SYT16: variants seen among roughly 807,000 people sequenced by gnomAD.
The protein encoded by SYT16 is synaptotagmin-16.
SYT16 carries 42 observed loss-of-function variants against 61.4 expected under a neutral mutation model. The observed-to-expected ratio is 0.68, with a 90% confidence interval of 0.53 to 0.89. SYT16 has a LOEUF of 0.89. Among genes scored for constraint, SYT16 ranks in the 40% least tolerant of loss-of-function variants. The probability of loss-of-function intolerance (pLI) is 0.00; values close to 1 mark genes in which losing one functional copy is unlikely to be tolerated. For synonymous variants in SYT16, 314 were observed against 302.3 expected (o/e 1.04, Z -0.40); for missense variants, 804 against 807.3 (o/e 1.00, Z 0.05).
chr14:61,815,102 A>G (rs2045387908), intron 1 of SYT16, among the ~76,000 whole-genome samples: 1 of 152,180 alleles, frequency 6.6e-6, no homozygotes, highest in Admixed American at 6.5e-5. Flanking sequence ...GACTTATTCA[A>G]ACAGATCGCT....
chr14:61,977,915 C>A (rs2051887825), intron 2 of SYT16, among the ~76,000 whole-genome samples: 1 of 152,254 alleles, frequency 6.6e-6, no homozygotes, highest in South Asian at 2.1e-4. Flanking sequence ...AAGGTGTCAG[C>A]AGGGCCACGA....
intron 1 of SYT16, among the ~76,000 whole-genome samples, chr14:61,945,773 G>A (rs1239403391): frequency 3.4e-5 from 5 of 148,834 alleles, no homozygotes; most frequent in East Asian, 2.0e-4. Flanking sequence ...GGAGAATGGC[G>A]TGAACCCGGG....
At chr14:61,990,629 C>G (rs1300174351) in intron 2 of SYT16, among the ~76,000 whole-genome samples, 2 of 152,162 alleles carry the variant, frequency 1.3e-5, no homozygotes, top group African/African-American at 4.8e-5. Flanking sequence ...GGCATACAGG[C>G]TTCTGCTTTA....
At chr14:61,931,253 C>T (rs1015140862) in intron 1 of SYT16, among the ~76,000 whole-genome samples, 1 of 152,054 alleles carries the variant, frequency 6.6e-6, no homozygotes. Context: ...GCACATTAGT[C>T]CAAGTCAGGA....
intron 2 of SYT16, among the ~76,000 whole-genome samples, chr14:61,978,293 G>C (rs746700640): frequency 2.0e-5 from 3 of 152,152 alleles, no homozygotes; most frequent in African/African-American, 7.2e-5. Context: ...AAGGAGAGTT[G>C]ATGAAAATTG....
intron 1 of SYT16, among the ~76,000 whole-genome samples, chr14:61,877,408 G>A (rs961162472): frequency 2.0e-5 from 3 of 152,148 alleles, no homozygotes; most frequent in African/African-American, 7.2e-5. Flanking sequence ...GCTAAGGGAG[G>A]ACCATGAATT....
chr14:61,832,679 C>G (rs1328073925), intron 1 of SYT16, among the ~76,000 whole-genome samples: 6 of 152,150 alleles, frequency 3.9e-5, no homozygotes, highest in African/African-American at 1.4e-4. Flanking sequence ...CTCAGGTGAT[C>G]CGCCCACCTC....
At chr14:61,869,425 TG>T (rs1458097675) in intron 1 of SYT16, among the ~76,000 whole-genome samples, 1 of 152,198 alleles carries the variant, frequency 6.6e-6, no homozygotes, top group Non-Finnish European at 1.5e-5. Context: ...TCTTTTTTGT[TG>T]TTTAATGGTT....
intron 3 of SYT16, among the ~76,000 whole-genome samples, chr14:62,062,762 A>G (rs540620202): frequency 1.3e-5 from 2 of 151,976 alleles, no homozygotes; most frequent in South Asian, 4.2e-4. Context: ...GAAATCTCGT[A>G]TCTAAGGGAT....
At chr14:61,850,600 A>T (rs889530362) in intron 1 of SYT16, among the ~76,000 whole-genome samples, 3 of 152,320 alleles carry the variant, frequency 2.0e-5, no homozygotes, top group Admixed American at 2.0e-4. Context: ...ATGTCTACCC[A>T]GTAAGTAAAT....
intron 2 of SYT16, among the ~76,000 whole-genome samples, chr14:61,982,413 A>G (rs1238352334): frequency 1.3e-5 from 2 of 152,182 alleles, no homozygotes. Context: ...CACGTCTTAC[A>G]TGGCAGCAGG....
intron 1 of SYT16, among the ~76,000 whole-genome samples, chr14:61,872,884 C>T (rs2047373272): frequency 1.3e-5 from 2 of 152,162 alleles, no homozygotes; most frequent in African/African-American, 4.8e-5. Flanking sequence ...AAATTGTTTA[C>T]ACATTGGTAA....
intron 1 of SYT16, among the ~76,000 whole-genome samples, chr14:61,938,154 T>G (rs577827743): frequency 1.3e-3 from 202 of 152,210 alleles, no homozygotes; most frequent in Non-Finnish European, 2.3e-3. Context: ...AAGAACTTTT[T>G]AAGAAATGAG....
chr14:62,029,879 T>C (rs981502565), intron 3 of SYT16, among the ~76,000 whole-genome samples: 1 of 152,224 alleles, frequency 6.6e-6, no homozygotes, highest in Non-Finnish European at 1.5e-5. Context: ...TATGTTTGTG[T>C]GTGTTTCTGT....
In SYT16 at chr14:62,102,314, G is replaced by A. The variant is rs558930018; in HGVS notation, c.*1607G>A. 6.6e-6 allele frequency: 1 copy of A among 152,332 alleles called. No homozygotes were observed. Among genetic ancestry groups the A allele is most frequent in the East Asian group, 1.9e-4 (1 of 5,192 alleles). The allele number at this position is 152,332 out of a possible 1,614,324, so 9.4% of individuals were successfully genotyped here. ...CTAGGGCACAGGATAACTCTACTAT[G>A]CTTTCAGGGTTCAGTCTTTGAATGA... is the stretch of plus-strand genomic sequence containing the variant. On this transcript the variant is annotated 3_prime_UTR_variant, in exon 8 of 8. Transcript: ENST00000683842.
intron 3 of SYT16, among the ~76,000 whole-genome samples, chr14:62,012,991 A>G (rs996650742): frequency 8.5e-5 from 13 of 152,220 alleles, no homozygotes; most frequent in African/African-American, 3.1e-4. Flanking sequence ...TCAGGTGAAG[A>G]ACTTCTTAAT....
Position 62,061,224 on chromosome 14 carries a change from G to A in SYT16, c.524-8379G>A, listed in dbSNP as rs114570344. Among the ~76,000 whole-genome samples, 835 of 152,100 alleles carry A rather than the reference G, an allele frequency of 5.5e-3. 8 individuals are homozygous for A. Among genetic ancestry groups the A allele is most frequent in the African/African-American group, 0.019 (782 of 41,536 alleles). On this transcript the variant is annotated intron_variant, in intron 3 of 7. Transcript: ENST00000683842. ...TTAGGACACAATCCCTAGAACAACC[G>A]TTGACAGAAGAAAATGAAAATAGGT...
At chr14:62,049,368 G>T (rs937056706) in intron 3 of SYT16, among the ~76,000 whole-genome samples, 5 of 152,198 alleles carry the variant, frequency 3.3e-5, no homozygotes, top group African/African-American at 1.2e-4. Context: ...GCATATATGT[G>T]TCTCTGCATG....
intron 1 of SYT16, among the ~76,000 whole-genome samples, chr14:61,950,970 G>C (rs781472211): frequency 4.6e-5 from 7 of 152,140 alleles, no homozygotes; most frequent in Admixed American, 1.3e-4. Context: ...AATAGATAAA[G>C]GATGCCGATT....
Sources: allele counts gnomAD v4.1 joint callset (sites outside exome capture counted in the v4.1 genomes callset), GRCh38; gene constraint gnomAD v4.1.1; transcripts MANE v1.5; gene names NCBI Gene and HGNC (gene_info 2026-07-23, HGNC 2026-07-21).